ADK: variants seen among roughly 807,000 people sequenced by gnomAD.
ADK encodes N6,N6-dimethyladenosine kinase.
A neutral mutation model predicts 44.7 loss-of-function variants in ADK; 24 were observed. That is an observed-to-expected ratio of 0.54 (90% confidence interval 0.39 to 0.76). ADK has a LOEUF of 0.76. Among genes scored for constraint, ADK ranks in the 30% least tolerant of loss-of-function variants. The probability of loss-of-function intolerance (pLI) is 0.00; values close to 1 mark genes in which losing one functional copy is unlikely to be tolerated. For synonymous variants in ADK, 128 were observed against 142.6 expected, an observed-to-expected ratio of 0.90 and a Z score of 0.73; for missense variants, 321 against 425.1, an observed-to-expected ratio of 0.76 and a Z score of 2.15.
chr10:74,599,052 T>TA (rs1462170615), intron 8 of ADK, among the ~76,000 whole-genome samples: 1 of 152,208 alleles, frequency 6.6e-6, no homozygotes, highest in East Asian at 1.9e-4. Flanking sequence ...TAGTCATTTC[T>TA]AAAAGTCTGT....
intron 6 of ADK, among the ~76,000 whole-genome samples, chr10:74,418,462 T>G (rs2133004552): frequency 6.6e-6 from 1 of 152,324 alleles, no homozygotes; most frequent in East Asian, 1.9e-4. Context: ...AAGAAAATGT[T>G]GAACAGGAGC....
intron 3 of ADK, among the ~76,000 whole-genome samples, chr10:74,234,485 T>C (rs1217157734): frequency 6.6e-6 from 1 of 152,188 alleles, no homozygotes; most frequent in African/African-American, 2.4e-5. Context: ...AAAACTTCTT[T>C]GGAGGAGTGA....
chr10:74,661,606 C>T (rs1854732042), intron 9 of ADK, among the ~76,000 whole-genome samples: 3 of 152,176 alleles, frequency 2.0e-5, no homozygotes, highest in African/African-American at 7.2e-5. Flanking sequence ...CTAGATCCCA[C>T]CCATCTTGAT....
chr10:74,465,012 G>T (rs1767377499), intron 6 of ADK, among the ~76,000 whole-genome samples: 1 of 152,050 alleles, frequency 6.6e-6, no homozygotes, highest in Admixed American at 6.6e-5. Context: ...TGTCCTCAGG[G>T]TGCTTACCTT....
intron 6 of ADK, among the ~76,000 whole-genome samples, chr10:74,447,270 G>C (rs1238445935): frequency 6.6e-6 from 1 of 152,044 alleles, no homozygotes; most frequent in Non-Finnish European, 1.5e-5. Flanking sequence ...AGACAAAATG[G>C]GGGTTTAGAC....
chr10:74,507,958 A>T (rs1356845643), intron 6 of ADK, among the ~76,000 whole-genome samples: 1 of 152,216 alleles, frequency 6.6e-6, no homozygotes, highest in African/African-American at 2.4e-5. Context: ...AAATTCTAAC[A>T]TGTAGAGGTA....
intron 7 of ADK, among the ~76,000 whole-genome samples, chr10:74,576,157 C>T (rs1188054008): frequency 6.6e-6 from 1 of 151,762 alleles, no homozygotes; most frequent in Non-Finnish European, 1.5e-5. Context: ...GGGAATGTAG[C>T]AAATAAGATA....
chr10:74,300,264 TTCCTTCCTTCCTTCC>T (rs1564640687), intron 3 of ADK, among the ~76,000 whole-genome samples: 3 of 25,816 alleles, frequency 1.2e-4, no homozygotes, highest in Non-Finnish European at 3.1e-4. Flanking sequence ...CCTTGTTTCC[TTCCTTCCTTCCTTCC>T]TTCCTTCCTT....
At chr10:74,576,347 T>A (rs1351121015) in intron 7 of ADK, among the ~76,000 whole-genome samples, 1 of 151,730 alleles carries the variant, frequency 6.6e-6, no homozygotes, top group African/African-American at 2.4e-5. Flanking sequence ...TATGCTAGAG[T>A]GCATGGGGAA....
At chr10:74,364,702 G>GTT (rs1362406287) in intron 4 of ADK, among the ~76,000 whole-genome samples, 4 of 40,526 alleles carry the variant, frequency 9.9e-5, no homozygotes, top group Non-Finnish European at 3.0e-4. Flanking sequence ...GTGTGTGTGT[G>GTT]TGTGTGTGTG....
chr10:74,253,191 C>T (rs1845708638), intron 3 of ADK, among the ~76,000 whole-genome samples: 1 of 152,232 alleles, frequency 6.6e-6, no homozygotes, highest in South Asian at 2.1e-4. Flanking sequence ...AGTGTTACAG[C>T]TCTGGTGGTG....
chr10:74,188,592 C>T (rs1000452449), intron 1 of ADK, among the ~76,000 whole-genome samples: 1 of 151,354 alleles, frequency 6.6e-6, no homozygotes, highest in African/African-American at 2.4e-5. Context: ...GACCTCGTGA[C>T]CTGCCTGCCT....
At position 74,341,128 on chromosome 10, in the gene ADK, T is replaced by C. The variant is rs148319621; in HGVS notation, c.273+26383T>C. ...TTAAAGTTATTTTTCTTCTCCTTGA[T>C]AGTATACTATAATAAGTATATTCAA... On this transcript the variant is annotated intron_variant, in intron 4 of 10. Coordinates refer to ENST00000539909, the MANE Select transcript of ADK (RefSeq NM_006721.4). Among the ~76,000 whole-genome samples the C allele has an allele frequency of 1.5e-3, 222 of 152,274 alleles. 1 individual carries two copies. Among genetic ancestry groups the C allele is most frequent in the African/African-American group, 5.1e-3 (210 of 41,544 alleles).
At chr10:74,386,875 A>G (rs1185138847) in intron 4 of ADK, among the ~76,000 whole-genome samples, 2 of 152,128 alleles carry the variant, frequency 1.3e-5, no homozygotes, top group South Asian at 2.1e-4. Flanking sequence ...GGGTATTTCA[A>G]AATTTCAAGG....
At chr10:74,672,558 C>A (rs1263201810) in intron 10 of ADK, among the ~76,000 whole-genome samples, 1 of 152,124 alleles carries the variant, frequency 6.6e-6, no homozygotes, top group East Asian at 1.9e-4. Context: ...ATTAGATAGC[C>A]ATTTTTCTCA....
chr10:74,553,065 C>T lies in ADK; in HGVS notation c.726+27639C>T, dbSNP rs80198323. On this transcript the variant is annotated intron_variant, in intron 7 of 10. Transcript: ENST00000539909. ...GGTAAAAATTAACCGTACATCTACC[C>T]TATGATCCAGCAAGTCATTTACCTG... 5.3e-3 allele frequency among the ~76,000 whole-genome samples: 800 copies of T among 151,844 alleles called. 6 individuals carry two copies. The highest frequency in any genetic ancestry group is 0.018 in the African/African-American group (745 of 41,420).
chr10:74,381,093 T>C (rs996026679), intron 4 of ADK, among the ~76,000 whole-genome samples: 1 of 152,212 alleles, frequency 6.6e-6, no homozygotes, highest in Non-Finnish European at 1.5e-5. Context: ...AACATTCTGA[T>C]TTTCTCTGGT....
intron 6 of ADK, among the ~76,000 whole-genome samples, chr10:74,496,778 A>T (rs12779371): frequency 6.6e-6 from 1 of 152,146 alleles, no homozygotes; most frequent in South Asian, 2.1e-4. Flanking sequence ...CAGAAATACT[A>T]TCTTAAAATC....
chr10:74,331,905 C>T (rs1247624203), intron 4 of ADK, among the ~76,000 whole-genome samples: 1 of 152,128 alleles, frequency 6.6e-6, no homozygotes, highest in Non-Finnish European at 1.5e-5. Flanking sequence ...CAGGCTGAAG[C>T]TCAGTGTTTG....
Sources: gnomAD v4.1 joint callset for allele counts (sites outside exome capture counted in the v4.1 genomes callset) on GRCh38, gnomAD v4.1.1 for gene constraint, MANE v1.5 for transcripts, NCBI Gene and HGNC (gene_info 2026-07-23, HGNC 2026-07-21) for gene names.